TSNARE1: variants seen among roughly 807,000 people sequenced by gnomAD.
The protein encoded by TSNARE1 is t-SNARE domain containing 1, also known as t-SNARE domain-containing protein 1.
In TSNARE1, 49 loss-of-function variants were observed where a neutral mutation model predicts 62.0. The ratio of observed to expected loss-of-function variants is 0.79; its 90% CI spans 0.63 to 1.00. The LOEUF is 1.00. Among genes scored for constraint, TSNARE1 ranks in the 50% least tolerant of loss-of-function variants. The pLI is 0.00. For synonymous variants in TSNARE1, 328 were observed against 294.4 expected, an observed-to-expected ratio of 1.11 and a Z score of -1.17; for missense variants, 755 against 700.1, an observed-to-expected ratio of 1.08 and a Z score of -0.88.
chr8:142,337,669 G>A (rs1388623220), intron 4 of TSNARE1, among the ~76,000 whole-genome samples: 2 of 152,204 alleles, frequency 1.3e-5, no homozygotes, highest in African/African-American at 2.4e-5. Flanking sequence ...ACGAGGCAGG[G>A]GCTGCCTCAT....
At chr8:142,394,878 G>A (rs1000303759) in intron 1 of TSNARE1, among the ~76,000 whole-genome samples, 15 of 152,286 alleles carry the variant, frequency 9.8e-5, no homozygotes, top group Non-Finnish European at 1.6e-4. Context: ...CTGTGCCTGC[G>A]CCCTGGGGAC....
intron 12 of TSNARE1, among the ~76,000 whole-genome samples, chr8:142,261,035 A>G (rs201607317): frequency 9.8e-5 from 1 of 10,244 alleles, no homozygotes; most frequent in African/African-American, 3.4e-4. Flanking sequence ...GAGGAGAGAA[A>G]GAGGAGGGAG....
intron 1 of TSNARE1, among the ~76,000 whole-genome samples, chr8:142,400,841 A>G (rs1223195598): frequency 6.6e-6 from 1 of 152,220 alleles, no homozygotes; most frequent in Non-Finnish European, 1.5e-5. Context: ...TCTGTGTCTC[A>G]GTCTCTCCAT....
intron 9 of TSNARE1, among the ~76,000 whole-genome samples, chr8:142,307,017 A>G (rs1458845487): frequency 6.6e-6 from 1 of 152,196 alleles, no homozygotes; most frequent in East Asian, 1.9e-4. Context: ...ACTGTCCACC[A>G]GTGGGGCCTG....
intron 2 of TSNARE1, among the ~76,000 whole-genome samples, chr8:142,348,369 C>T (rs1395442000): frequency 1.3e-5 from 2 of 152,172 alleles, no homozygotes; most frequent in Admixed American, 6.5e-5. Flanking sequence ...AGTCAGCACT[C>T]GCACAAATCA....
At chr8:142,269,610 T>A (rs1819347200) in intron 12 of TSNARE1, 1 of 985,214 alleles carries the variant, frequency 1.0e-6, no homozygotes, top group Non-Finnish European at 1.2e-6. Context: ...ATTACAGGCA[T>A]GAGCCACTGT....
intron 13 of TSNARE1, among the ~76,000 whole-genome samples, chr8:142,222,795 TCCACTCAC>T (rs1816450341): frequency 1.7e-5 from 1 of 60,390 alleles, no homozygotes. Context: ...CACTCACTCA[TCCACTCAC>T]TCACTCATTC....
rs368224487 is a variant in TSNARE1, at chr8:142,300,511, C to T, written c.1265G>A (p.Arg422Gln). 60 of 1,607,618 alleles carry T rather than the reference C, an allele frequency of 3.7e-5. No homozygotes were observed. Among genetic ancestry groups the T allele is most frequent in the Admixed American group, 1.2e-4 (7 of 59,976 alleles). Residue 422 changes from arginine to glutamine, a missense_variant, in exon 10 of 14, where the codon CGG becomes CAG. Coordinates refer to ENST00000524325, the MANE Select transcript of TSNARE1 (RefSeq NM_145003.5). ...CTCCATCTGCAGGATGGCCTCCTCC[C>T]GCAGCCGGATGGCCTCCAGGTCCTC... ...TEEDLEAIRLREEAILQMESN... is the reference protein window; with the variant it reads ...TEEDLEAIRLQEEAILQMESN...
At chr8:142,383,114 C>G (rs187409825) in intron 1 of TSNARE1, among the ~76,000 whole-genome samples, 60 of 152,262 alleles carry the variant, frequency 3.9e-4, no homozygotes, top group Admixed American at 2.3e-3. Flanking sequence ...AGAAGAGCCC[C>G]GTCATGCAGG....
At chr8:142,373,555 G>T (rs906357820) in intron 1 of TSNARE1, among the ~76,000 whole-genome samples, 3 of 152,054 alleles carry the variant, frequency 2.0e-5, no homozygotes, top group Non-Finnish European at 4.4e-5. Context: ...CGAGCTCCAT[G>T]GGACCCTGAG....
chr8:142,361,705 GA>G (rs1461603752), intron 1 of TSNARE1, among the ~76,000 whole-genome samples: 2 of 152,176 alleles, frequency 1.3e-5, no homozygotes, highest in Non-Finnish European at 2.9e-5. Context: ...TTGGCCAGTG[GA>G]ACACATGCTA....
At chr8:142,238,543 C>T (rs1354487989) in intron 12 of TSNARE1, among the ~76,000 whole-genome samples, 2 of 152,016 alleles carry the variant, frequency 1.3e-5, no homozygotes, top group Non-Finnish European at 2.9e-5. Context: ...CACCCCACAC[C>T]GTGGTACCTC....
At chr8:142,272,564 C>A in intron 12 of TSNARE1, 1 of 570,306 alleles carries the variant, frequency 1.8e-6, no homozygotes, top group Non-Finnish European at 2.0e-6. Context: ...TTCCTTCCAT[C>A]CACCCACCCG....
At chr8:142,237,222 G>A (rs921828261) in intron 12 of TSNARE1, among the ~76,000 whole-genome samples, 5 of 152,142 alleles carry the variant, frequency 3.3e-5, no homozygotes, top group African/African-American at 7.2e-5. Context: ...TCCCTGCGTG[G>A]ACCACTCTCT....
rs1586861111 is a variant in TSNARE1 at position 142,255,021 on chromosome 8, T to A, written c.1446+19760A>T. 2.0e-5 allele frequency among the ~76,000 whole-genome samples: 3 copies of A among 152,074 alleles called. No individual in the cohort carries two copies. The South Asian group carries it at 6.2e-4, about 32-fold the overall frequency. On this transcript the variant is annotated intron_variant, in intron 12 of 13. Transcript: ENST00000524325. Reference sequence around the variant, plus strand: ...GATAGACTTGAGCCACCTTTGAGGATCTTGAGGCCAGGTGGGGAAGGCAGA... The same window carrying A: ...GATAGACTTGAGCCACCTTTGAGGAACTTGAGGCCAGGTGGGGAAGGCAGA...
chr8:142,244,745 G>C (rs541987704), intron 12 of TSNARE1, among the ~76,000 whole-genome samples: 2 of 152,240 alleles, frequency 1.3e-5, no homozygotes, highest in Admixed American at 6.5e-5. Flanking sequence ...GACAGTGAGC[G>C]GGGACGCAGG....
intron 13 of TSNARE1, among the ~76,000 whole-genome samples, chr8:142,222,544 T>C (rs111215845): frequency 0.012 from 116 of 9,974 alleles, no homozygotes; most frequent in South Asian, 0.024. Context: ...ACTCACTCAT[T>C]CACTCACTCA....
chr8:142,325,761 G>C (rs570308248), intron 6 of TSNARE1, among the ~76,000 whole-genome samples: 1 of 152,230 alleles, frequency 6.6e-6, no homozygotes, highest in African/African-American at 2.4e-5. Flanking sequence ...GAGGGGAGGA[G>C]GTCAGAGAGG....
At chr8:142,327,480 A>G (rs904432658) in intron 6 of TSNARE1, among the ~76,000 whole-genome samples, 1 of 152,058 alleles carries the variant, frequency 6.6e-6, no homozygotes, top group African/African-American at 2.4e-5. Flanking sequence ...GAGGGGTGCA[A>G]TTCTGCACCA....
Sources: gnomAD v4.1 joint callset for allele counts (sites outside exome capture counted in the v4.1 genomes callset) on GRCh38, gnomAD v4.1.1 for gene constraint, MANE v1.5 for transcripts, NCBI Gene and HGNC (gene_info 2026-07-23, HGNC 2026-07-21) for gene names.